The following CCDC178 variants were observed in gnomAD, a reference collection of about 807,000 sequenced individuals.
CCDC178 encodes the protein coiled-coil domain containing 178.
Under a neutral mutation model 117.4 loss-of-function variants are expected in CCDC178, and 126 were observed. That is an observed-to-expected ratio of 1.07 (90% confidence interval 0.93 to 1.24). CCDC178 has a LOEUF of 1.24. CCDC178 is among the 50% of genes most tolerant of loss of function. The pLI is 0.00. For missense variants in CCDC178, 1,030 were observed against 986.9 expected (o/e 1.04, Z -0.59); for synonymous variants, 283 against 313.4 (o/e 0.90, Z 1.02).
At chr18:32,983,863 A>C (rs1432926241) in intron 21 of CCDC178, among the ~76,000 whole-genome samples, 1 of 152,094 alleles carries the variant, frequency 6.6e-6, no homozygotes, top group Non-Finnish European at 1.5e-5. Flanking sequence ...AAGCCTTATC[A>C]GTTCTGTTTA....
chr18:33,322,780 C>G (rs2062530294), intron 11 of CCDC178, among the ~76,000 whole-genome samples: 1 of 151,124 alleles, frequency 6.6e-6, no homozygotes, highest in South Asian at 2.1e-4. Flanking sequence ...AATATAAACA[C>G]CTTAAGAAAT....
intron 14 of CCDC178, among the ~76,000 whole-genome samples, chr18:33,257,881 A>G (rs1003079126): frequency 6.6e-6 from 1 of 152,026 alleles, no homozygotes; most frequent in Non-Finnish European, 1.5e-5. Flanking sequence ...GAAATTTAAT[A>G]TGGCCTAAGG....
At chr18:33,336,902 A>G (rs768020192) in intron 9 of CCDC178, among the ~76,000 whole-genome samples, 50 of 152,034 alleles carry the variant, frequency 3.3e-4, no homozygotes, top group African/African-American at 1.1e-3. Context: ...TTCCACATGA[A>G]TTTTAGGATT....
chr18:33,109,412 T>C (rs959206798), intron 20 of CCDC178, among the ~76,000 whole-genome samples: 1 of 151,676 alleles, frequency 6.6e-6, no homozygotes, highest in East Asian at 1.9e-4. Flanking sequence ...ATGCAAAACA[T>C]TTGCATTTGG....
At chr18:33,115,032 G>A (rs1174287500) in intron 20 of CCDC178, among the ~76,000 whole-genome samples, 3 of 151,990 alleles carry the variant, frequency 2.0e-5, no homozygotes, top group Non-Finnish European at 2.9e-5. Context: ...TTGATTACAC[G>A]ATCTCATGTT....
chr18:33,344,071 G>A (rs551487276), intron 9 of CCDC178, among the ~76,000 whole-genome samples: 93 of 151,678 alleles, frequency 6.1e-4, no homozygotes, highest in Non-Finnish European at 8.2e-4. Flanking sequence ...TTGGGAGGCC[G>A]AGGCGGGTGG....
intron 21 of CCDC178, among the ~76,000 whole-genome samples, chr18:33,018,037 G>A (rs2056030619): frequency 6.6e-6 from 1 of 152,002 alleles, no homozygotes; most frequent in Non-Finnish European, 1.5e-5. Context: ...CCTTATAGCT[G>A]ATGAAGGACT....
intron 12 of CCDC178, among the ~76,000 whole-genome samples, chr18:33,285,095 C>A (rs545475637): frequency 2.6e-5 from 4 of 152,018 alleles, no homozygotes; most frequent in East Asian, 1.9e-4. Context: ...AAAATCGTTT[C>A]TTTTTAAATA....
chr18:33,332,382 G>T (rs1434322233), intron 10 of CCDC178, among the ~76,000 whole-genome samples: 1 of 152,002 alleles, frequency 6.6e-6, no homozygotes, highest in African/African-American at 2.4e-5. Flanking sequence ...TGTTCATTTT[G>T]TGACAATTAT....
At chr18:33,321,943 T>C (rs1255085642) in intron 11 of CCDC178, among the ~76,000 whole-genome samples, 17 of 151,918 alleles carry the variant, frequency 1.1e-4, no homozygotes, top group Non-Finnish European at 1.5e-5. Flanking sequence ...TGAGATTAAT[T>C]AAAATTATTA....
chr18:33,142,135 G>A (rs978648520), intron 20 of CCDC178, among the ~76,000 whole-genome samples: 98 of 152,314 alleles, frequency 6.4e-4, no homozygotes, highest in African/African-American at 2.1e-3. Flanking sequence ...GAAAAACAGT[G>A]TTTCTCAACT....
In CCDC178 at chr18:32,987,863, C is replaced by A. The variant is rs9675823; in HGVS notation, c.2389-13182G>T. Reference sequence around the variant, plus strand: ...CTGTAATCCCAGCACTTTGGGAGGCCGAGGCAGGTGGATCGCCTGAGGCCA... The same window carrying A: ...CTGTAATCCCAGCACTTTGGGAGGCAGAGGCAGGTGGATCGCCTGAGGCCA... On this transcript the variant is annotated intron_variant, in intron 21 of 22. Coordinates refer to ENST00000383096, the MANE Select transcript of CCDC178 (RefSeq NM_001105528.4). Among the ~76,000 whole-genome samples, 1,360 of 148,808 alleles carry A rather than the reference C, an allele frequency of 9.1e-3. 21 individuals carry two copies. Among genetic ancestry groups the A allele is most frequent in the African/African-American group, 0.032 (1,307 of 40,420 alleles).
At chr18:33,399,638 A>G (rs1227310316) in intron 3 of CCDC178, among the ~76,000 whole-genome samples, 1 of 152,178 alleles carries the variant, frequency 6.6e-6, no homozygotes, top group Non-Finnish European at 1.5e-5. Flanking sequence ...AACTTTTATC[A>G]TGAGATTGCA....
At chr18:33,147,319 A>C (rs1325644577) in intron 20 of CCDC178, among the ~76,000 whole-genome samples, 14 of 149,568 alleles carry the variant, frequency 9.4e-5, no homozygotes, top group Admixed American at 9.3e-4. Context: ...AGAGGGGCAG[A>C]AGAGAGAGAA....
At chr18:33,368,781 C>A (rs2063255783) in intron 6 of CCDC178, among the ~76,000 whole-genome samples, 1 of 151,890 alleles carries the variant, frequency 6.6e-6, no homozygotes, top group East Asian at 1.9e-4. Context: ...GGTCTAAGAG[C>A]AATGATGTAG....
intron 20 of CCDC178, among the ~76,000 whole-genome samples, chr18:33,101,206 T>C (rs1286189796): frequency 2.6e-5 from 4 of 151,508 alleles, no homozygotes; most frequent in Admixed American, 1.3e-4. Context: ...TTGTTAACTA[T>C]TCCTATGCAT....
rs541822744 is a variant in CCDC178 at position 33,211,823 on chromosome 18, T to G, written c.2238+73A>C. 7.7e-5 allele frequency: 97 copies of G among 1,252,448 alleles called. 2 individuals carry two copies. The South Asian group carries it at 1.3e-3, about 17-fold the overall frequency. The allele number at this position is 1,252,448 out of a possible 1,614,324, so 77.6% of individuals were successfully genotyped here. On this transcript the variant is annotated intron_variant, in intron 20 of 22. Coordinates refer to ENST00000383096, the MANE Select transcript of CCDC178 (RefSeq NM_001105528.4). ...ACCCTTGCTACTTCAGGATAAAAAT[T>G]GTCTCAAACTAGCTGCTAATTTGAC...
intron 6 of CCDC178, among the ~76,000 whole-genome samples, chr18:33,369,828 T>C (rs1280617308): frequency 6.6e-6 from 1 of 151,910 alleles, no homozygotes. Flanking sequence ...AACAAACAGG[T>C]AGGGAAAAAA....
chr18:32,996,005 C>T (rs897597357), intron 21 of CCDC178, among the ~76,000 whole-genome samples: 4 of 151,428 alleles, frequency 2.6e-5, no homozygotes, highest in Admixed American at 2.6e-4. Flanking sequence ...CCCTAAGTGA[C>T]TCATGAAAAT....
Sources: allele counts gnomAD v4.1 joint callset (sites outside exome capture counted in the v4.1 genomes callset), GRCh38; gene constraint gnomAD v4.1.1; transcripts MANE v1.5; gene names NCBI Gene and HGNC (gene_info 2026-07-23, HGNC 2026-07-21).